Variants in PPFIA2 observed in about 807,000 individuals in gnomAD.
PPFIA2 encodes the protein liprin-alpha-2.
Under a neutral mutation model 175.5 loss-of-function variants are expected in PPFIA2, and 46 were observed. The observed-to-expected ratio is 0.26, with a 90% confidence interval of 0.21 to 0.34. The LOEUF is 0.34. Among genes scored for constraint, PPFIA2 ranks in the 10% least tolerant of loss-of-function variants. The pLI is 1.00. For synonymous variants in PPFIA2, 568 were observed against 511.4 expected (o/e 1.11, Z -1.49); for missense variants, 1,179 against 1,506.1 (o/e 0.78, Z 3.60).
intron 7 of PPFIA2, among the ~76,000 whole-genome samples, chr12:81,415,088 T>C (rs1364841341): frequency 6.9e-6 from 1 of 144,298 alleles, no homozygotes; most frequent in Non-Finnish European, 1.5e-5. Flanking sequence ...TTTTGAAAGC[T>C]TGTGACACCA....
intron 19 of PPFIA2, among the ~76,000 whole-genome samples, chr12:81,342,439 ATG>A (rs2058279056): frequency 6.6e-6 from 1 of 152,110 alleles, no homozygotes; most frequent in Non-Finnish European, 1.5e-5. Flanking sequence ...TTATTTATAA[ATG>A]TGTTTATCTA....
At chr12:81,363,851 A>G (rs1435647494) in intron 14 of PPFIA2, among the ~76,000 whole-genome samples, 3 of 151,918 alleles carry the variant, frequency 2.0e-5, no homozygotes, top group Admixed American at 2.0e-4. Flanking sequence ...AATGTTCAAT[A>G]GTTTCTTATT....
intron 4 of PPFIA2, among the ~76,000 whole-genome samples, chr12:81,523,934 T>C (rs1163041337): frequency 6.6e-6 from 1 of 152,190 alleles, no homozygotes; most frequent in African/African-American, 2.4e-5. Flanking sequence ...AACTGAACCT[T>C]TAGAACTTTG....
Position 81,369,205 on chromosome 12 carries a change from A to G in PPFIA2, c.1267-11T>C. On this transcript the variant is annotated splice_polypyrimidine_tract_variant and intron_variant, in intron 11 of 32. Transcript: ENST00000549396. The stretch of plus-strand genomic sequence containing the variant: ...ATGTCTCTCTTCAGCCTGTTAAGAA[A>G]TATGAAGAATACACCTGAAATGTAA... 6.2e-7 allele frequency: 1 copy of G among 1,604,084 alleles called. No individual in the cohort carries two copies. Among genetic ancestry groups the G allele is most frequent in the Non-Finnish European group, 8.5e-7 (1 of 1,174,052 alleles).
intron 4 of PPFIA2, among the ~76,000 whole-genome samples, chr12:81,606,675 C>G (rs893470490): frequency 6.6e-6 from 1 of 151,666 alleles, no homozygotes; most frequent in African/African-American, 2.4e-5. Flanking sequence ...TTGTTTTTTG[C>G]TTGTTGATTT....
At chr12:81,274,298 A>C (rs1565851021) in intron 28 of PPFIA2, among the ~76,000 whole-genome samples, 2 of 152,202 alleles carry the variant, frequency 1.3e-5, no homozygotes, top group Non-Finnish European at 2.9e-5. Context: ...TTGGATTTGT[A>C]AATAGGGAGT....
At chr12:81,380,940 C>A (rs1201091713) in intron 9 of PPFIA2, among the ~76,000 whole-genome samples, 1 of 144,020 alleles carries the variant, frequency 6.9e-6, no homozygotes, top group Non-Finnish European at 1.5e-5. Context: ...TTTCAGAATT[C>A]GTTTATTTAG....
chr12:81,344,976 T>C (rs1365805945), intron 18 of PPFIA2, among the ~76,000 whole-genome samples: 2 of 152,120 alleles, frequency 1.3e-5, no homozygotes, highest in Admixed American at 6.6e-5. Context: ...AAAGAGAAAC[T>C]GTGGAATGAG....
intron 3 of PPFIA2, among the ~76,000 whole-genome samples, chr12:81,705,081 TC>T (rs1349684010): frequency 3.1e-5 from 2 of 65,564 alleles, no homozygotes; most frequent in Non-Finnish European, 6.5e-5. Context: ...TGAAACTCTG[TC>T]TAAAAAAAAA....
chr12:81,585,077 A>G (rs1358628106), intron 4 of PPFIA2, among the ~76,000 whole-genome samples: 1 of 120,252 alleles, frequency 8.3e-6, no homozygotes, highest in Non-Finnish European at 1.7e-5. Context: ...ATATAAATAT[A>G]ATATATATAA....
At chr12:81,450,942 T>C (rs1184595238) in intron 5 of PPFIA2, among the ~76,000 whole-genome samples, 1 of 152,174 alleles carries the variant, frequency 6.6e-6, no homozygotes, top group African/African-American at 2.4e-5. Flanking sequence ...TAGTATATCC[T>C]CAGAACTACT....
At chr12:81,300,870 C>G (rs565699233) in intron 22 of PPFIA2, among the ~76,000 whole-genome samples, 1 of 152,090 alleles carries the variant, frequency 6.6e-6, no homozygotes, top group African/African-American at 2.4e-5. Context: ...TATTGAACAC[C>G]TGTTGTGGAC....
At chr12:81,629,710 T>C (rs930185960) in intron 4 of PPFIA2, among the ~76,000 whole-genome samples, 13 of 152,150 alleles carry the variant, frequency 8.5e-5, no homozygotes, top group Non-Finnish European at 1.0e-4. Context: ...TAAATGTCAC[T>C]GATTTTCCAA....
chr12:81,702,954 C>G (rs1163803963), intron 3 of PPFIA2, among the ~76,000 whole-genome samples: 6 of 152,088 alleles, frequency 3.9e-5, no homozygotes, highest in African/African-American at 1.4e-4. Context: ...AATCTACCAG[C>G]CTTTAATCTT....
intron 28 of PPFIA2, among the ~76,000 whole-genome samples, chr12:81,271,345 AC>A (rs2039041865): frequency 2.0e-5 from 3 of 152,174 alleles, no homozygotes; most frequent in South Asian, 2.1e-4. Flanking sequence ...ATCTCTGCTT[AC>A]TGCAACCTCT....
chr12:81,403,942 C>T (rs2042485979), intron 8 of PPFIA2, among the ~76,000 whole-genome samples: 1 of 152,110 alleles, frequency 6.6e-6, no homozygotes, highest in Admixed American at 6.6e-5. Flanking sequence ...CCTTTTCCAG[C>T]TGTACTTTAT....
At chr12:81,701,987 G>C (rs2076546224) in intron 3 of PPFIA2, among the ~76,000 whole-genome samples, 1 of 151,670 alleles carries the variant, frequency 6.6e-6, no homozygotes, top group South Asian at 2.1e-4. Context: ...AGTAAGTGAG[G>C]AAAGAGAAAG....
intron 4 of PPFIA2, among the ~76,000 whole-genome samples, chr12:81,494,775 T>G (rs2059841017): frequency 6.6e-6 from 1 of 151,636 alleles, no homozygotes. Context: ...TAAAAAAGGA[T>G]GAGTCCATGT....
chr12:81,635,922 A>T (rs10862332), intron 4 of PPFIA2, among the ~76,000 whole-genome samples: 69,397 of 144,550 alleles, frequency 0.48, 17,063 homozygotes, highest in Middle Eastern at 0.59. Flanking sequence ...TCTCTCTCTC[A>T]CACACACACA....
Sources: gnomAD v4.1 joint callset for allele counts (sites outside exome capture counted in the v4.1 genomes callset) on GRCh38, gnomAD v4.1.1 for gene constraint, MANE v1.5 for transcripts, NCBI Gene and HGNC (gene_info 2026-07-23, HGNC 2026-07-21) for gene names.